The following RNF152 variants were observed in gnomAD, a reference collection of about 807,000 sequenced individuals.
RNF152 encodes the protein E3 ubiquitin-protein ligase RNF152.
RNF152 carries 11 observed loss-of-function variants against 12.7 expected under a neutral mutation model. That is an observed-to-expected ratio of 0.86 (90% confidence interval 0.54 to 1.43). The LOEUF is 1.43. Among genes scored for constraint, RNF152 ranks in the 40% most tolerant of loss-of-function variants. RNF152 has a pLI of 0.00. For synonymous variants in RNF152, 113 were observed against 120.3 expected (o/e 0.94, Z 0.40); for missense variants, 255 against 274.8 (o/e 0.93, Z 0.51).
At chr18:61,849,929 C>T (rs796814657) in intron 1 of RNF152, among the ~76,000 whole-genome samples, 4 of 152,306 alleles carry the variant, frequency 2.6e-5, no homozygotes, top group East Asian at 1.9e-4. Context: ...ACTGTGTGAC[C>T]TGAGGCAATT....
intron 1 of RNF152, among the ~76,000 whole-genome samples, chr18:61,849,419 C>T (rs890634396): frequency 6.6e-6 from 1 of 152,154 alleles, no homozygotes; most frequent in African/African-American, 2.4e-5. Context: ...TCACAGGTGG[C>T]CAATCCCTGA....
At position 61,812,822 on chromosome 18, in the gene RNF152, G is replaced by C. The variant is rs1908868513; in HGVS notation, c.*3030C>G. The stretch of plus-strand genomic sequence containing the variant: ...AACCCTCCTTTCATTTTCCCAGAGA[G>C]GTAGATGCTAACTAAAATGAGTACA... On this transcript the variant is annotated 3_prime_UTR_variant, in exon 2 of 2. Transcript: ENST00000312828. The C allele has an allele frequency of 6.6e-6, 1 of 151,798 alleles. No individual in the cohort carries two copies. The highest frequency in any genetic ancestry group is 2.4e-5 in the African/African-American group (1 of 41,240). 9.4% of individuals were successfully genotyped at this position (151,798 alleles called of 1,614,324 possible).
chr18:61,860,163 G>A (rs1884707467), intron 1 of RNF152, among the ~76,000 whole-genome samples: 1 of 152,146 alleles, frequency 6.6e-6, no homozygotes, highest in South Asian at 2.1e-4. Flanking sequence ...TTCTCCCCAT[G>A]GGTCTCAGAA....
intron 1 of RNF152, among the ~76,000 whole-genome samples, chr18:61,870,090 C>T (rs149660042): frequency 1.1e-4 from 17 of 152,302 alleles, no homozygotes; most frequent in African/African-American, 3.1e-4. Flanking sequence ...CCAAACCTCA[C>T]GCTCTCTTGG....
rs138836931 is a variant in RNF152, at chr18:61,812,517, C to A, written c.*3335G>T. The A allele has an allele frequency of 6.6e-6, 1 of 152,166 alleles. No individual in the cohort carries two copies. The highest frequency in any genetic ancestry group is 1.9e-4 in the East Asian group (1 of 5,198). 9.4% of individuals were successfully genotyped at this position (152,166 alleles called of 1,614,324 possible). A position where few individuals can be genotyped will look rare whatever the true frequency, so the allele number is the denominator to read the frequency against. Reference sequence around the variant, plus strand: ...CAAAAACCAAGTTGCCTTTTCATCACAACTTATGCCCCAAGTCATTATACA... The same window carrying A: ...CAAAAACCAAGTTGCCTTTTCATCAAAACTTATGCCCCAAGTCATTATACA... On this transcript the variant is annotated 3_prime_UTR_variant, in exon 2 of 2. Transcript: ENST00000312828.
intron 1 of RNF152, among the ~76,000 whole-genome samples, chr18:61,844,131 AAAGAAAGAAAT>A (rs1910625076): frequency 7.0e-6 from 1 of 143,506 alleles, no homozygotes; most frequent in African/African-American, 2.6e-5. Context: ...AGAAAGAAAG[AAAGAAAGAAAT>A]TAAGAGAAAA....
At chr18:61,840,300 T>C (rs1910393611) in intron 1 of RNF152, among the ~76,000 whole-genome samples, 2 of 152,228 alleles carry the variant, frequency 1.3e-5, no homozygotes, top group African/African-American at 4.8e-5. Flanking sequence ...GGTATTTTGC[T>C]ATAGCAGCCT....
At chr18:61,825,198 C>T (rs1041339084) in intron 1 of RNF152, among the ~76,000 whole-genome samples, 1 of 152,180 alleles carries the variant, frequency 6.6e-6, no homozygotes, top group African/African-American at 2.4e-5. Flanking sequence ...AAACAAGAGT[C>T]CTACCCTCAA....
intron 1 of RNF152, among the ~76,000 whole-genome samples, chr18:61,846,869 G>A (rs1910762429): frequency 6.6e-6 from 1 of 152,196 alleles, no homozygotes; most frequent in South Asian, 2.1e-4. Flanking sequence ...AGACTCCAGA[G>A]CTTGGAAATC....
chr18:61,891,952 G>C (rs1205919766), intron 1 of RNF152, among the ~76,000 whole-genome samples: 1 of 152,194 alleles, frequency 6.6e-6, no homozygotes, highest in East Asian at 1.9e-4. Flanking sequence ...CCTGCTACTA[G>C]TGTAGGATGC....
In RNF152 at chr18:61,850,571, G is replaced by C. The variant is rs183234853; in HGVS notation, c.-135-33973C>G. Among the ~76,000 whole-genome samples, 283 of 152,262 alleles carry C rather than the reference G, an allele frequency of 1.9e-3. 1 individual carries two copies. The highest frequency in any genetic ancestry group is 6.6e-3 in the African/African-American group (273 of 41,542). The stretch of plus-strand genomic sequence containing the variant: ...ATAAATTTCAAGTTACTGAGAGGCA[G>C]ACTCAAGCTCCATATACTTGATTAG... On this transcript the variant is annotated intron_variant, in intron 1 of 1. Transcript: ENST00000312828.
chr18:61,827,713 G>T (rs915024631), intron 1 of RNF152, among the ~76,000 whole-genome samples: 1 of 152,110 alleles, frequency 6.6e-6, no homozygotes, highest in African/African-American at 2.4e-5. Context: ...TTCATGGCAC[G>T]AGTTAAGCCT....
chr18:61,820,246 G>T (rs1314429854), intron 1 of RNF152, among the ~76,000 whole-genome samples: 1 of 140,972 alleles, frequency 7.1e-6, no homozygotes, highest in Non-Finnish European at 1.5e-5. Flanking sequence ...GGAGAATGGT[G>T]TGAACCCAGG....
At chr18:61,836,144 A>C (rs944743354) in intron 1 of RNF152, among the ~76,000 whole-genome samples, 1 of 152,220 alleles carries the variant, frequency 6.6e-6, no homozygotes, top group Admixed American at 6.5e-5. Context: ...CACTAAAAAG[A>C]AGCTGACATC....
intron 1 of RNF152, among the ~76,000 whole-genome samples, chr18:61,836,728 A>T (rs550366513): frequency 3.7e-5 from 3 of 82,188 alleles, no homozygotes; most frequent in African/African-American, 9.5e-5. Flanking sequence ...CACTGAATTT[A>T]AAAAAAAAAT....
chr18:61,818,737 TAGGTA>T (rs1471816630), intron 1 of RNF152, among the ~76,000 whole-genome samples: 2 of 152,360 alleles, frequency 1.3e-5, no homozygotes, highest in African/African-American at 4.8e-5. Flanking sequence ...AACTTAAACC[TAGGTA>T]AGAAGGAACA....
chr18:61,816,260 C>G lies in RNF152; in HGVS notation c.204G>C (p.Gln68His), dbSNP rs770788573. The change falls in exon 2 of 2, where the codon CAG becomes CAC. Residue 68 changes from glutamine (Q) to histidine (H), a missense_variant. By Grantham distance (24) the Gln-to-His change is conservative. Coordinates refer to ENST00000312828, the MANE Select transcript of RNF152 (RefSeq NM_173557.3). Reference sequence around the variant, plus strand: ...CCAGGACCTCCGGGTCGTCCGGGAGCTGCGACACGGAGAAGCCGGGAGGCA... The same window carrying G: ...CCAGGACCTCCGGGTCGTCCGGGAGGTGCGACACGGAGAAGCCGGGAGGCA... ...TKLPPGFSVS[Q>H]LPDDPEVLAV... 3.0e-5 allele frequency: 49 copies of G among 1,614,110 alleles called. No individual in the cohort carries two copies. The South Asian group carries it at 4.6e-4, about 15-fold the overall frequency.
intron 1 of RNF152, among the ~76,000 whole-genome samples, chr18:61,820,515 T>C (rs544723792): frequency 5.9e-4 from 90 of 152,116 alleles, no homozygotes; most frequent in African/African-American, 2.1e-3. Flanking sequence ...TGATTGACTC[T>C]ACTGAGATGT....
intron 1 of RNF152, among the ~76,000 whole-genome samples, chr18:61,877,692 C>T (rs9944722): frequency 0.57 from 86,295 of 151,910 alleles, 24,523 homozygotes; most frequent in East Asian, 0.75. Flanking sequence ...TGATAAAATA[C>T]AGAAATTACA....
Sources: gnomAD v4.1 joint callset for allele counts (sites outside exome capture counted in the v4.1 genomes callset) on GRCh38, gnomAD v4.1.1 for gene constraint, MANE v1.5 for transcripts, NCBI Gene and HGNC (gene_info 2026-07-23, HGNC 2026-07-21) for gene names.